Variants in RAVER2 observed in about 807,000 individuals in gnomAD.
RAVER2 encodes ribonucleoprotein, PTB binding 2, also known as ribonucleoprotein PTB-binding 2.
Under a neutral mutation model 78.1 loss-of-function variants are expected in RAVER2, and 46 were observed. The ratio of observed to expected loss-of-function variants is 0.59; its 90% CI spans 0.46 to 0.75. RAVER2 has a LOEUF of 0.75. Ranked by LOEUF, RAVER2 falls within the 30% of genes least tolerant of loss-of-function variation. RAVER2 has a pLI of 0.00. For synonymous variants in RAVER2, 311 were observed against 313.3 expected (o/e 0.99, Z 0.08); for missense variants, 793 against 837.5 (o/e 0.95, Z 0.66).
intron 5 of RAVER2, among the ~76,000 whole-genome samples, chr1:64,802,333 G>A (rs1051379019): frequency 2.0e-5 from 3 of 152,164 alleles, no homozygotes; most frequent in Non-Finnish European, 1.5e-5. Flanking sequence ...TTCTATTCAA[G>A]ATGGAGGCAC....
chr1:64,799,118 A>G (rs1390910294), intron 5 of RAVER2, among the ~76,000 whole-genome samples: 1 of 152,156 alleles, frequency 6.6e-6, no homozygotes, highest in Admixed American at 6.5e-5. Context: ...TCTAATAACC[A>G]TGATTGTACC....
exon 12 of RAVER2, chr1:64,831,035 T>A: frequency 6.5e-7 from 1 of 1,541,928 alleles, no homozygotes; most frequent in South Asian, 1.2e-5. Flanking sequence ...GTATCTCTGC[T>A]GTTCATCGCT....
chr1:64,797,461 A>G (rs1179009701), intron 5 of RAVER2, among the ~76,000 whole-genome samples: 1 of 152,216 alleles, frequency 6.6e-6, no homozygotes, highest in Non-Finnish European at 1.5e-5. Flanking sequence ...AAGAAAAATT[A>G]TTTCAGTTTT....
chr1:64,787,901 T>TCTCCCCA (rs1350557336), intron 4 of RAVER2, among the ~76,000 whole-genome samples: 2 of 152,208 alleles, frequency 1.3e-5, no homozygotes, highest in African/African-American at 2.4e-5. Context: ...ACAGGCTTTA[T>TCTCCCCA]GTCAGTTTCT....
chr1:64,832,402 C>CATT (rs1553157192), exon 12 of RAVER2: 1 of 152,550 alleles, frequency 6.6e-6, no homozygotes, highest in African/African-American at 2.4e-5. Context: ...TTGACATCAC[C>CATT]ATTTCTTGAA....
At chr1:64,775,758 C>G (rs923699789) in intron 2 of RAVER2, among the ~76,000 whole-genome samples, 1 of 152,048 alleles carries the variant, frequency 6.6e-6, no homozygotes, top group Non-Finnish European at 1.5e-5. Flanking sequence ...GTGGCTCAGG[C>G]CTATAATCCC....
intron 11 of RAVER2, 35 bp downstream of exon 11, chr1:64,814,875 A>C: frequency 6.8e-7 from 1 of 1,463,444 alleles, no homozygotes; most frequent in Non-Finnish European, 9.1e-7. Context: ...ATACTCAGAA[A>C]AATTGGTTCA....
chr1:64,787,236 A>G (rs1472512318), intron 4 of RAVER2, among the ~76,000 whole-genome samples: 1 of 151,910 alleles, frequency 6.6e-6, no homozygotes, highest in Non-Finnish European at 1.5e-5. Flanking sequence ...TTTTTTAGTG[A>G]CTGCATTCTC....
At chr1:64,753,253 C>T (rs1651748600) in intron 1 of RAVER2, among the ~76,000 whole-genome samples, 1 of 152,038 alleles carries the variant, frequency 6.6e-6, no homozygotes, top group African/African-American at 2.4e-5. Context: ...GGGGATTTTG[C>T]CATGTTGCTC....
At chr1:64,802,456 G>A (rs1391959236) in intron 5 of RAVER2, among the ~76,000 whole-genome samples, 2 of 152,132 alleles carry the variant, frequency 1.3e-5, no homozygotes, top group African/African-American at 4.8e-5. Flanking sequence ...ACGCGATTAT[G>A]AGTATTGTTA....
exon 9 of RAVER2, chr1:64,807,258 A>G (rs1653465625): frequency 6.2e-7 from 1 of 1,614,052 alleles, no homozygotes; most frequent in South Asian, 1.1e-5. Context: ...TGGGCATGTT[A>G]CCATTCTTTC....
In RAVER2 at chr1:64,813,584, G is replaced by A. The variant is rs988361119; in HGVS notation, c.1792+735G>A. Among the ~76,000 whole-genome samples the A allele has an allele frequency of 2.6e-5, 4 of 152,052 alleles. No homozygotes were observed. The East Asian group carries it at 5.8e-4, about 22-fold the overall frequency. On this transcript the variant is annotated intron_variant, in intron 10 of 11. Coordinates refer to ENST00000294428, the Ensembl canonical transcript of RAVER2. ...AATTCTAAACTATTACCTCTGGGAA[G>A]AAGAATAGGATTAAATGAAAAGAGA...
intron 10 of RAVER2, among the ~76,000 whole-genome samples, chr1:64,813,420 T>C (rs951993313): frequency 2.6e-5 from 4 of 152,170 alleles, no homozygotes; most frequent in Non-Finnish European, 5.9e-5. Flanking sequence ...TATCTACATA[T>C]ACTGATATGA....
intron 5 of RAVER2, among the ~76,000 whole-genome samples, chr1:64,801,449 ATT>A (rs1653260484): frequency 6.6e-6 from 1 of 151,224 alleles, no homozygotes; most frequent in Non-Finnish European, 1.5e-5. Flanking sequence ...ATTAGATTAA[ATT>A]TCTAAATATA....
chr1:64,806,526 A>T (rs1653423184), intron 8 of RAVER2, among the ~76,000 whole-genome samples: 1 of 152,212 alleles, frequency 6.6e-6, no homozygotes, highest in South Asian at 2.1e-4. Flanking sequence ...ATACTGATTT[A>T]AAAAAAGAAA....
At chr1:64,825,825 T>C (rs990206101) in intron 11 of RAVER2, among the ~76,000 whole-genome samples, 4 of 152,220 alleles carry the variant, frequency 2.6e-5, no homozygotes, top group African/African-American at 9.6e-5. Flanking sequence ...AGATTTGCTT[T>C]AATAAAAGAA....
intron 9 of RAVER2, among the ~76,000 whole-genome samples, chr1:64,811,738 G>T (rs904786147): frequency 2.6e-5 from 4 of 152,178 alleles, no homozygotes; most frequent in Non-Finnish European, 5.9e-5. Context: ...AAGGCTTCTA[G>T]TTAACAGTAG....
intron 8 of RAVER2, 108 bp from the exon 9 acceptor site, chr1:64,807,098 A>T: frequency 2.3e-6 from 3 of 1,300,072 alleles, no homozygotes; most frequent in Non-Finnish European, 1.0e-6. Context: ...TCTAACAGGT[A>T]CAAAATTGGT....
At position 64,745,249 on chromosome 1, in the gene RAVER2, C is replaced by CGGGGCT; in HGVS notation, c.79_84dup (p.Gly27_Leu28dup). The CGGGGCT allele has an allele frequency of 2.5e-6, 3 of 1,199,218 alleles. No homozygotes were observed. The highest frequency in any genetic ancestry group is 3.1e-6 in the Non-Finnish European group (3 of 959,752). The allele number at this position is 1,199,218 out of a possible 1,614,324, so 74.3% of individuals were successfully genotyped here. A position where few individuals can be genotyped will look rare whatever the true frequency, so the allele number is the denominator to read the frequency against. ...AGCGCGGCGGGGCTGGGGCCGGGGC[C>CGGGGCT]GGGGCTGCGCGGGCAGGGCCCCTCA... On this transcript the variant is annotated inframe_insertion, in exon 1 of 12. Transcript: ENST00000294428. The surrounding 1 kb of genome is among the most constrained non-coding windows in gnomAD (Gnocchi z 4.3).
Sources: gnomAD v4.1 joint callset for allele counts (sites outside exome capture counted in the v4.1 genomes callset) on GRCh38, gnomAD v4.1.1 for gene constraint, Gnocchi (gnomAD v3.1) non-coding constraint, MANE v1.5 for transcripts, NCBI Gene and HGNC (gene_info 2026-07-23, HGNC 2026-07-21) for gene names.